The following ANKFN1 variants were observed in gnomAD, a reference collection of about 807,000 sequenced individuals.
ANKFN1 encodes ankyrin repeat and fibronectin type III domain containing 1.
ANKFN1 carries 74 observed loss-of-function variants against 108.7 expected under a neutral mutation model. The ratio of observed to expected loss-of-function variants is 0.68; its 90% CI spans 0.56 to 0.83. The LOEUF is 0.83. Among genes scored for constraint, ANKFN1 ranks in the 40% least tolerant of loss-of-function variants. The pLI is 0.00. For synonymous variants in ANKFN1, 547 were observed against 516.2 expected (o/e 1.06, Z -0.81); for missense variants, 1,505 against 1,382.3 (o/e 1.09, Z -1.41).
chr17:56,237,751 GT>G (rs1044306115), intron 3 of ANKFN1, among the ~76,000 whole-genome samples: 1 of 149,668 alleles, frequency 6.7e-6, no homozygotes, highest in Non-Finnish European at 1.5e-5. Flanking sequence ...TTTTGGAATG[GT>G]TTTTTTTTGT....
intron 8 of ANKFN1, among the ~76,000 whole-genome samples, chr17:56,417,801 C>G (rs1844271452): frequency 6.6e-6 from 1 of 152,166 alleles, no homozygotes; most frequent in Non-Finnish European, 1.5e-5. Flanking sequence ...TCTAGACTTT[C>G]CATTTTTTTG....
intron 1 of ANKFN1, among the ~76,000 whole-genome samples, chr17:56,205,310 G>A (rs1165035121): frequency 6.6e-6 from 1 of 152,074 alleles, no homozygotes; most frequent in Non-Finnish European, 1.5e-5. Context: ...ATTAATTAGC[G>A]GGTACAATTG....
intron 3 of ANKFN1, among the ~76,000 whole-genome samples, chr17:56,318,308 C>T (rs2045267376): frequency 6.6e-6 from 1 of 152,062 alleles, no homozygotes; most frequent in South Asian, 2.1e-4. Flanking sequence ...ATGGAAGAAG[C>T]AGATAAGAAA....
At chr17:56,278,814 G>A (rs768191529) in intron 3 of ANKFN1, among the ~76,000 whole-genome samples, 18 of 152,290 alleles carry the variant, frequency 1.2e-4, no homozygotes, top group Non-Finnish European at 4.4e-5. Context: ...AACTGAACAA[G>A]TACATTAGAA....
chr17:56,488,230 G>T (rs996108244), intron 18 of ANKFN1, among the ~76,000 whole-genome samples: 2 of 152,108 alleles, frequency 1.3e-5, no homozygotes, highest in African/African-American at 2.4e-5. Flanking sequence ...GGGTCCACCT[G>T]GTCATATCTC....
intron 18 of ANKFN1, among the ~76,000 whole-genome samples, chr17:56,489,367 T>C (rs2050955432): frequency 6.6e-6 from 1 of 151,730 alleles, no homozygotes; most frequent in South Asian, 2.1e-4. Context: ...GCCTCAGTTA[T>C]GGCTACCAAA....
intron 4 of ANKFN1, among the ~76,000 whole-genome samples, chr17:56,068,226 A>C (rs2143129378): frequency 6.6e-6 from 1 of 152,268 alleles, no homozygotes; most frequent in Non-Finnish European, 1.5e-5. Flanking sequence ...AGTATCCATC[A>C]GGGTCCCAGC....
intron 1 of ANKFN1, among the ~76,000 whole-genome samples, chr17:56,180,293 A>G (rs1374264158): frequency 2.0e-5 from 3 of 152,156 alleles, no homozygotes; most frequent in East Asian, 1.9e-4. Flanking sequence ...TCTTTGTTCT[A>G]TCTGTTGCTA....
intron 4 of ANKFN1, among the ~76,000 whole-genome samples, chr17:56,116,411 C>G (rs1317145029): frequency 6.6e-6 from 1 of 152,142 alleles, no homozygotes; most frequent in African/African-American, 2.4e-5. Flanking sequence ...CCTTCCAAGT[C>G]TCATGTTGAA....
intron 1 of ANKFN1, among the ~76,000 whole-genome samples, chr17:56,182,017 A>T (rs1012300461): frequency 2.6e-5 from 4 of 152,182 alleles, no homozygotes; most frequent in African/African-American, 9.7e-5. Flanking sequence ...GGGCATCACA[A>T]AGTGCTCCCA....
chr17:56,236,279 G>A (rs1169024956), intron 3 of ANKFN1, among the ~76,000 whole-genome samples: 2 of 151,976 alleles, frequency 1.3e-5, no homozygotes, highest in Admixed American at 1.3e-4. Context: ...GGATGGTCTC[G>A]AACTCCTGAC....
intron 8 of ANKFN1, among the ~76,000 whole-genome samples, chr17:56,435,134 T>C (rs16957219): frequency 0.062 from 9,476 of 152,110 alleles, 974 homozygotes; most frequent in African/African-American, 0.22. Context: ...CCTTTTGACT[T>C]TTTTCCCTCC....
intron 16 of ANKFN1, among the ~76,000 whole-genome samples, chr17:56,477,931 G>T (rs1318849369): frequency 6.6e-6 from 1 of 152,108 alleles, no homozygotes; most frequent in African/African-American, 2.4e-5. Flanking sequence ...AGATTCAAAT[G>T]ATTCTTCTGC....
At position 56,402,710 on chromosome 17, in the gene ANKFN1, T is replaced by C. The variant is rs141518611; in HGVS notation, c.910+27996T>C. Among the ~76,000 whole-genome samples the C allele has an allele frequency of 2.1e-3, 325 of 152,254 alleles. 1 individual carries two copies. The highest frequency in any genetic ancestry group is 7.4e-3 in the African/African-American group (307 of 41,578). On this transcript the variant is annotated intron_variant, in intron 8 of 20. Coordinates refer to ENST00000682825, the MANE Select transcript of ANKFN1 (RefSeq NM_001370326.1). ...TGTTTGTTTCAATTTCATTTAGTTC[T>C]GCTGTGATCTTGGTTATTTCCTTTT...
At chr17:56,113,494 G>A (rs1226233759) in intron 4 of ANKFN1, among the ~76,000 whole-genome samples, 1 of 152,156 alleles carries the variant, frequency 6.6e-6, no homozygotes, top group Non-Finnish European at 1.5e-5. Context: ...TAGAAAACAA[G>A]CTGGTGAAGT....
chr17:56,090,678 C>T (rs114665372), intron 4 of ANKFN1, among the ~76,000 whole-genome samples: 7,796 of 151,092 alleles, frequency 0.052, 425 homozygotes, highest in East Asian at 0.07. Flanking sequence ...GCAATCATGG[C>T]TCACTGCAGC....
At chr17:56,309,527 TATC>T (rs926160838) in intron 3 of ANKFN1, among the ~76,000 whole-genome samples, 64 of 152,264 alleles carry the variant, frequency 4.2e-4, no homozygotes, top group African/African-American at 1.5e-3. Context: ...GTTTTTCTAT[TATC>T]AATGTTATAG....
intron 20 of ANKFN1, among the ~76,000 whole-genome samples, chr17:56,509,929 T>C (rs1158500708): frequency 6.6e-6 from 1 of 152,228 alleles, no homozygotes; most frequent in Non-Finnish European, 1.5e-5. Context: ...GATTAACTGT[T>C]GTATTTTTTA....
rs773273704 is a variant in ANKFN1 at position 56,326,223 on chromosome 17, T to C, written c.56T>C (p.Ile19Thr). 1 of 1,611,776 alleles carries C rather than the reference T, an allele frequency of 6.2e-7. No homozygotes were observed. Among genetic ancestry groups the C allele is most frequent in the Non-Finnish European group, 8.5e-7 (1 of 1,179,102 alleles). Residue 19 changes from isoleucine to threonine, a missense_variant and splice_region_variant, in exon 4 of 21, where the codon ATA becomes ACA. By Grantham distance (89) the Ile-to-Thr change is moderately conservative. Transcript: ENST00000682825. ...KDRHFTCSKI[I>T]GRRFACFAQR... Reference sequence around the variant, plus strand: ...TTCGCATTTTATTCTTTACACAGAATAGGAAGGAGATTCGCTTGCTTTGCA... The same window carrying C: ...TTCGCATTTTATTCTTTACACAGAACAGGAAGGAGATTCGCTTGCTTTGCA...
Sources: gnomAD v4.1 joint callset for allele counts (sites outside exome capture counted in the v4.1 genomes callset) on GRCh38, gnomAD v4.1.1 for gene constraint, MANE v1.5 for transcripts, NCBI Gene and HGNC (gene_info 2026-07-23, HGNC 2026-07-21) for gene names.